LAMA2: variants seen among roughly 807,000 people sequenced by gnomAD.
LAMA2 encodes the protein laminin subunit alpha 2.
Under a neutral mutation model 364.8 loss-of-function variants are expected in LAMA2, and 269 were observed. The observed-to-expected ratio is 0.74, with a 90% CI of 0.67 to 0.82. The LOEUF is 0.82. Ranked by LOEUF, LAMA2 falls within the 40% of genes least tolerant of loss-of-function variation. LAMA2 has a pLI of 0.00. For synonymous variants in LAMA2, 1,379 were observed against 1,370.6 expected (o/e 1.01, Z -0.14); for missense variants, 3,807 against 3,873.2 (o/e 0.98, Z 0.45).
At chr6:129,379,346 A>G (rs1027731750) in intron 34 of LAMA2, among the ~76,000 whole-genome samples, 2 of 151,936 alleles carry the variant, frequency 1.3e-5, no homozygotes, top group Non-Finnish European at 2.9e-5. Context: ...AACCTGTGTA[A>G]CAAATCTGCA....
At chr6:129,503,067 A>C in intron 59 of LAMA2, 24 bp from the exon 60 acceptor site, 1 of 1,606,630 alleles carries the variant, frequency 6.2e-7, no homozygotes. Context: ...TTTCTGTTTG[A>C]CTTTGCATGC....
rs143564398 is a variant in LAMA2, at chr6:129,035,528, A to ATTTTTTTT, written c.113-14382_113-14375dup. Reference sequence around the variant, plus strand: ...TAGTTTAATTAAGTCCCATTTGTTCATTTTTTTTTTTTTTTGCATTTGCTT... The same window carrying ATTTTTTTT: ...TAGTTTAATTAAGTCCCATTTGTTCATTTTTTTTTTTTTTTTTTTTTTTGCATTTGCTT... On this transcript the variant is annotated intron_variant, in intron 1 of 64. Transcript: ENST00000421865. Among the ~76,000 whole-genome samples the ATTTTTTTT allele has an allele frequency of 2.2e-5, 3 of 133,478 alleles. 1 individual carries two copies. Among genetic ancestry groups the ATTTTTTTT allele is most frequent in the Non-Finnish European group, 3.2e-5 (2 of 63,266 alleles). 87.6% of individuals were successfully genotyped at this position (133,478 alleles called of 152,430 possible).
intron 22 of LAMA2, among the ~76,000 whole-genome samples, chr6:129,304,225 C>T (rs768194126): frequency 6.6e-6 from 1 of 152,006 alleles, no homozygotes; most frequent in African/African-American, 2.4e-5. Flanking sequence ...CTTTTGCTTA[C>T]TTTGAGTTTA....
At chr6:129,158,554 T>C (rs950972696) in intron 8 of LAMA2, 16 of 1,613,994 alleles carry the variant, frequency 9.9e-6, no homozygotes, top group Admixed American at 1.7e-5. Context: ...AAATCACGAT[T>C]GTAACGACGT....
chr6:129,154,715 AT>A lies in LAMA2; in HGVS notation c.1206+39del, dbSNP rs748048151. 7 of 1,584,866 alleles carry A rather than the reference AT, an allele frequency of 4.4e-6. No homozygotes were observed. The Admixed American group carries it at 8.4e-5, about 19-fold the overall frequency. ...TATGCTTTTTCTTTCATAAAGAGTT[AT>A]TTTTTTGCTTTTTCATACAAAAATG... On this transcript the variant is annotated intron_variant, in intron 8 of 64. Transcript: ENST00000421865.
chr6:129,075,258 GAGGAA>G (rs907906882), intron 3 of LAMA2, among the ~76,000 whole-genome samples: 29 of 152,274 alleles, frequency 1.9e-4, no homozygotes, highest in African/African-American at 6.7e-4. Context: ...GTGGGGTGCT[GAGGAA>G]AGGAAAGAAG....
chr6:129,212,447 A>T (rs946532318), intron 12 of LAMA2, among the ~76,000 whole-genome samples: 8 of 152,028 alleles, frequency 5.3e-5, no homozygotes, highest in Non-Finnish European at 7.4e-5. Context: ...TGTTTTTTTT[A>T]AAATCAGTTT....
intron 4 of LAMA2, among the ~76,000 whole-genome samples, chr6:129,108,685 C>T (rs996850746): frequency 5.9e-5 from 9 of 152,104 alleles, no homozygotes; most frequent in African/African-American, 2.2e-4. Flanking sequence ...TACAGAAGAT[C>T]CACTGACCAA....
intron 22 of LAMA2, among the ~76,000 whole-genome samples, chr6:129,306,313 CTTTTTTTTTT>C (rs11315443): frequency 1.4e-5 from 1 of 70,416 alleles, no homozygotes; most frequent in African/African-American, 5.3e-5. Context: ...TAATTTTTTC[CTTTTTTTTTT>C]TTTTTTTTTT....
chr6:129,262,998 A>G (rs1007522915), intron 15 of LAMA2, among the ~76,000 whole-genome samples: 1 of 152,102 alleles, frequency 6.6e-6, no homozygotes, highest in African/African-American at 2.4e-5. Flanking sequence ...AATCTTTCAA[A>G]AATTTTCTTA....
chr6:129,173,657 G>A (rs1780372209), intron 9 of LAMA2, among the ~76,000 whole-genome samples: 1 of 152,088 alleles, frequency 6.6e-6, no homozygotes, highest in African/African-American at 2.4e-5. Flanking sequence ...ATTTGATACA[G>A]GCTCGAATTG....
intron 2 of LAMA2, among the ~76,000 whole-genome samples, chr6:129,054,587 C>A (rs1444449842): frequency 6.6e-6 from 1 of 151,080 alleles, no homozygotes; most frequent in Non-Finnish European, 1.5e-5. Context: ...TATGTAAAAC[C>A]ATAAGTGTGT....
intron 7 of LAMA2, among the ~76,000 whole-genome samples, chr6:129,150,559 A>G (rs1181177342): frequency 6.6e-6 from 1 of 152,204 alleles, no homozygotes; most frequent in Non-Finnish European, 1.5e-5. Flanking sequence ...AACAAAAACA[A>G]TCGAGCAACT....
intron 2 of LAMA2, among the ~76,000 whole-genome samples, chr6:129,057,231 G>C (rs1341292287): frequency 6.6e-6 from 1 of 152,006 alleles, no homozygotes; most frequent in Non-Finnish European, 1.5e-5. Context: ...GCATAATAAT[G>C]GTTAGAATGC....
intron 35 of LAMA2, among the ~76,000 whole-genome samples, chr6:129,388,197 A>G (rs1779124708): frequency 6.6e-6 from 1 of 151,416 alleles, no homozygotes; most frequent in South Asian, 2.1e-4. Flanking sequence ...GTGCGGTCGC[A>G]GTGAGCAGAA....
At chr6:128,958,165 G>A (rs1352683184) in intron 1 of LAMA2, among the ~76,000 whole-genome samples, 6 of 151,980 alleles carry the variant, frequency 3.9e-5, no homozygotes, top group Non-Finnish European at 7.4e-5. Context: ...ACAATGTCAA[G>A]TAGTGTTTCT....
At position 128,986,480 on chromosome 6, in the gene LAMA2, C is replaced by T. The variant is rs540403045; in HGVS notation, c.113-63438C>T. On this transcript the variant is annotated intron_variant, in intron 1 of 64. Transcript: ENST00000421865. ...TACATTATAGTTTATTCTGACATGC[C>T]CATTTAGGAATATGAGGCTTATAGT... 2.0e-5 allele frequency among the ~76,000 whole-genome samples: 3 copies of T among 151,948 alleles called. No individual in the cohort carries two copies. The South Asian group carries it at 6.3e-4, about 32-fold the overall frequency.
rs183719725 is a variant in LAMA2 at position 129,183,879 on chromosome 6, A to G, written c.1467+6013A>G. Among the ~76,000 whole-genome samples the G allele has an allele frequency of 4.9e-4, 75 of 152,076 alleles. 1 individual carries two copies. Among genetic ancestry groups the G allele is most frequent in the African/African-American group, 1.7e-3 (72 of 41,526 alleles). On this transcript the variant is annotated intron_variant, in intron 10 of 64. Transcript: ENST00000421865. ...TTCTTTACCATTGCACAATAAGAAG[A>G]TAACACAATGACTCATACAAAAGAA... is the stretch of plus-strand genomic sequence containing the variant.
intron 4 of LAMA2, among the ~76,000 whole-genome samples, chr6:129,141,408 A>T (rs2114954808): frequency 6.6e-6 from 1 of 152,176 alleles, no homozygotes; most frequent in African/African-American, 2.4e-5. Flanking sequence ...ATTAGAGAGG[A>T]TTCAGTATTT....
Sources: allele counts gnomAD v4.1 joint callset (sites outside exome capture counted in the v4.1 genomes callset), GRCh38; gene constraint gnomAD v4.1.1; transcripts MANE v1.5; gene names NCBI Gene and HGNC (gene_info 2026-07-23, HGNC 2026-07-21).